The following PALM variants were observed in gnomAD, a reference collection of about 807,000 sequenced individuals.
PALM encodes paralemmin-1.
PALM carries 18 observed loss-of-function variants against 30.7 expected under a neutral mutation model. The observed-to-expected ratio is 0.59, with a 90% CI of 0.41 to 0.87. The LOEUF (loss-of-function observed/expected upper bound fraction) is 0.87, where lower values mean the gene tolerates loss of function less well. PALM is among the 40% of genes least tolerant of loss of function. PALM has a pLI of 0.00. For missense variants in PALM, 529 were observed against 555.4 expected, an observed-to-expected ratio of 0.95 and a Z score of 0.48; for synonymous variants, 286 against 242.8, an observed-to-expected ratio of 1.18 and a Z score of -1.66.
intron 8 of PALM, among the ~76,000 whole-genome samples, chr19:741,026 C>T (rs2033170475): frequency 6.6e-6 from 1 of 151,354 alleles, no homozygotes. Context: ...GTGGTCCCAG[C>T]TACTTGGGAG....
intron 1 of PALM, among the ~76,000 whole-genome samples, chr19:713,901 T>G (rs1356694605): frequency 7.4e-6 from 1 of 135,640 alleles, no homozygotes. Flanking sequence ...TTTTTCTTTC[T>G]TTCTTTCTTT....
chr19:709,285 C>G lies in PALM; in HGVS notation c.5+134C>G, dbSNP rs1425913713. 1 of 255,536 alleles carries G rather than the reference C, an allele frequency of 3.9e-6. No individual in the cohort carries two copies. Among genetic ancestry groups the G allele is most frequent in the Non-Finnish European group, 7.5e-6 (1 of 134,042 alleles). 15.8% of individuals were successfully genotyped at this position (255,536 alleles called of 1,614,324 possible). A position where few individuals can be genotyped will look rare whatever the true frequency, so the allele number is the denominator to read the frequency against. ...AGGAGCAGGAGGCGGCGCGGGGCTG[C>G]TGGGGCCGCAGCGCAGCCGGGAAGA... is the stretch of plus-strand genomic sequence containing the variant. On this transcript the variant is annotated intron_variant, in intron 1 of 8. Transcript: ENST00000338448. The surrounding 1 kb of genome is among the most constrained non-coding windows in gnomAD (Gnocchi z 4.3).
At chr19:736,499 C>T (rs1568230882) in intron 7 of PALM, among the ~76,000 whole-genome samples, 1 of 152,214 alleles carries the variant, frequency 6.6e-6, no homozygotes, top group Non-Finnish European at 1.5e-5. Flanking sequence ...TGCCCCGTCC[C>T]TGGAGGCAAC....
intron 1 of PALM, among the ~76,000 whole-genome samples, chr19:716,020 T>G (rs1167059457): frequency 6.6e-6 from 1 of 150,740 alleles, no homozygotes; most frequent in Admixed American, 6.6e-5. Flanking sequence ...CGCCCCAGGG[T>G]TTCAAGCAGA....
rs2033365755 is a variant in PALM at position 746,897 on chromosome 19, C to T, written c.*83C>T. ...CCTCCCGGCGCCTGCCCACCCTCCA[C>T]CCACAGCCTCACGGGTCCAGGACTT... On this transcript the variant is annotated 3_prime_UTR_variant, in exon 9 of 9. Coordinates refer to ENST00000338448, the MANE Select transcript of PALM (RefSeq NM_002579.3). This position sits in a 1 kb window ranked among gnomAD's most constrained non-coding sequence, Gnocchi z 7.1. 5 of 754,666 alleles carry T rather than the reference C, an allele frequency of 6.6e-6. No homozygotes were observed. Among genetic ancestry groups the T allele is most frequent in the East Asian group, 2.7e-5 (1 of 37,098 alleles). 46.7% of individuals were successfully genotyped at this position (754,666 alleles called of 1,614,324 possible).
At position 740,376 on chromosome 19, in the gene PALM, T is replaced by C. The variant is rs769156389; in HGVS notation, c.527T>C (p.Val176Ala). ...GCCATGTACTCGGTTGAGATCACTG[T>C]GGAGAAGGACAAGGTGACAGGGGAG... ...KAAMYSVEITVEKDKVTGETR... is the reference protein window; with the variant it reads ...KAAMYSVEITAEKDKVTGETR... Residue 176 changes from valine (V) to alanine (A), a missense_variant, in exon 8 of 9, where the codon GTG becomes GCG. Physicochemically the swap from Val to Ala is moderately conservative, Grantham distance 64. Transcript: ENST00000338448. 2 of 1,565,360 alleles carry C rather than the reference T, an allele frequency of 1.3e-6. No individual in the cohort carries two copies. Among genetic ancestry groups the C allele is most frequent in the South Asian group, 1.2e-5 (1 of 84,982 alleles).
At chr19:725,948 C>T (rs139155182) in intron 1 of PALM, among the ~76,000 whole-genome samples, 190 bp from the exon 2 acceptor site, 1 of 152,356 alleles carries the variant, frequency 6.6e-6, no homozygotes, top group Non-Finnish European at 1.5e-5. Flanking sequence ...TCGTCCCCTC[C>T]TGTCCTGGCT....
Position 746,184 on chromosome 19 carries a change from G to A in PALM, c.635-101G>A, listed in dbSNP as rs2033331299. 1 of 829,466 alleles carries A rather than the reference G, an allele frequency of 1.2e-6. No individual in the cohort carries two copies. The highest frequency in any genetic ancestry group is 2.0e-6 in the Non-Finnish European group (1 of 509,132). 51.4% of individuals were successfully genotyped at this position (829,466 alleles called of 1,614,324 possible). ...TGATTTCCTCTTTAGCCTGGAGGAG[G>A]ATACAAGCCTTGCCAAGGTTTCCCT... On this transcript the variant is annotated intron_variant, in intron 8 of 8. Coordinates refer to ENST00000338448, the MANE Select transcript of PALM (RefSeq NM_002579.3). This position sits in a 1 kb window ranked among gnomAD's most constrained non-coding sequence, Gnocchi z 7.1.
At chr19:741,885 C>T (rs1042091439) in intron 8 of PALM, among the ~76,000 whole-genome samples, 6 of 152,112 alleles carry the variant, frequency 3.9e-5, no homozygotes, top group Non-Finnish European at 7.4e-5. Context: ...TTCACTCTGT[C>T]GCCCGGCCCG....
chr19:731,778 G>A (rs780090293), intron 5 of PALM, among the ~76,000 whole-genome samples: 1 of 152,120 alleles, frequency 6.6e-6, no homozygotes, highest in African/African-American at 2.4e-5. Context: ...TCCTGCCTCA[G>A]CCTCCCAAGT....
intron 1 of PALM, among the ~76,000 whole-genome samples, chr19:710,533 C>T (rs2032039771): frequency 6.6e-6 from 1 of 152,162 alleles, no homozygotes; most frequent in Admixed American, 6.5e-5. Flanking sequence ...AGGAGGACGA[C>T]GGAGATCTCC....
At chr19:713,943 C>G (rs2144844475) in intron 1 of PALM, among the ~76,000 whole-genome samples, 1 of 146,460 alleles carries the variant, frequency 6.8e-6, no homozygotes, top group Admixed American at 6.9e-5. Flanking sequence ...CTCGCTCTGT[C>G]ACCCAGGCTG....
intron 6 of PALM, 72 bp downstream of exon 6, chr19:734,266 G>C: frequency 6.8e-7 from 1 of 1,481,384 alleles, no homozygotes; most frequent in East Asian, 2.3e-5. Flanking sequence ...GCAGGGCGGG[G>C]AGTGAAGCTA....
chr19:739,174 C>T (rs905035853), intron 7 of PALM, among the ~76,000 whole-genome samples: 1 of 152,106 alleles, frequency 6.6e-6, no homozygotes, highest in Non-Finnish European at 1.5e-5. Context: ...AGTTAGGGCC[C>T]TGATGAGTAG....
chr19:726,405 T>C (rs2032663595), intron 2 of PALM, among the ~76,000 whole-genome samples: 2 of 152,248 alleles, frequency 1.3e-5, no homozygotes, highest in African/African-American at 4.8e-5. Context: ...CTCTGCCTGA[T>C]GGGTCGGTGG....
intron 7 of PALM, among the ~76,000 whole-genome samples, chr19:737,037 G>C (rs913619881): frequency 6.6e-5 from 10 of 152,218 alleles, no homozygotes; most frequent in African/African-American, 1.9e-4. Flanking sequence ...TGGGCGACAA[G>C]AGCAAGACTC....
At chr19:745,740 A>G (rs1162733043) in intron 8 of PALM, among the ~76,000 whole-genome samples, 1 of 151,042 alleles carries the variant, frequency 6.6e-6, no homozygotes, top group African/African-American at 2.4e-5. Flanking sequence ...TTGGTTCCTA[A>G]TAAATGTTTT....
chr19:743,299 C>T (rs2033242960), intron 8 of PALM, among the ~76,000 whole-genome samples: 1 of 152,170 alleles, frequency 6.6e-6, no homozygotes, highest in African/African-American at 2.4e-5. Context: ...GAGGTCCTCA[C>T]CCCCATCACT....
intron 7 of PALM, among the ~76,000 whole-genome samples, chr19:736,834 G>A (rs139714522): frequency 0.023 from 3,478 of 152,252 alleles, 129 homozygotes; most frequent in African/African-American, 0.078. Flanking sequence ...CGGGCAGATC[G>A]CCTGAGGTCA....
Sources: allele counts gnomAD v4.1 joint callset (sites outside exome capture counted in the v4.1 genomes callset), GRCh38; gene constraint gnomAD v4.1.1; non-coding constraint Gnocchi (gnomAD v3.1); transcripts MANE v1.5; gene names NCBI Gene and HGNC (gene_info 2026-07-23, HGNC 2026-07-21).